Variants in ERBB4 observed in about 807,000 individuals in gnomAD.
The protein encoded by ERBB4 is receptor tyrosine-protein kinase erbB-4.
A neutral mutation model predicts 158.0 loss-of-function variants in ERBB4; 42 were observed. The observed-to-expected ratio is 0.27, with a 90% CI of 0.21 to 0.34. The LOEUF (loss-of-function observed/expected upper bound fraction) is 0.34, where lower values mean the gene tolerates loss of function less well. Among genes scored for constraint, ERBB4 ranks in the 10% least tolerant of loss-of-function variants. The pLI is 1.00. For synonymous variants in ERBB4, 583 were observed against 558.7 expected (o/e 1.04, Z -0.61); for missense variants, 1,333 against 1,624.1 (o/e 0.82, Z 3.08).
chr2:212,022,049 T>C (rs766651537), intron 2 of ERBB4, among the ~76,000 whole-genome samples: 1 of 152,140 alleles, frequency 6.6e-6, no homozygotes, highest in Non-Finnish European at 1.5e-5. Flanking sequence ...TTCAGAGAAA[T>C]AGGAATGCTT....
chr2:211,661,859 G>C (rs2071432973), intron 15 of ERBB4, among the ~76,000 whole-genome samples: 1 of 150,198 alleles, frequency 6.7e-6, no homozygotes, highest in African/African-American at 2.4e-5. Flanking sequence ...CTAAAACGGT[G>C]AAACCCCGTC....
chr2:211,844,108 G>A (rs922575866), intron 3 of ERBB4, among the ~76,000 whole-genome samples: 29 of 148,170 alleles, frequency 2.0e-4, no homozygotes, highest in African/African-American at 7.0e-4. Flanking sequence ...GCTATTTCAA[G>A]TTCTATGTTA....
chr2:212,372,852 C>T (rs2090136205), intron 1 of ERBB4, among the ~76,000 whole-genome samples: 1 of 152,176 alleles, frequency 6.6e-6, no homozygotes, highest in Non-Finnish European at 1.5e-5. Flanking sequence ...TTTCTTCTCC[C>T]ATGCCATTGT....
At chr2:212,028,934 T>TA (rs2076837506) in intron 2 of ERBB4, among the ~76,000 whole-genome samples, 1 of 151,990 alleles carries the variant, frequency 6.6e-6, no homozygotes, top group Non-Finnish European at 1.5e-5. Flanking sequence ...AGGTGGGGCT[T>TA]AGACACCACA....
At chr2:211,965,950 G>T (rs1282913150) in intron 2 of ERBB4, among the ~76,000 whole-genome samples, 1 of 152,170 alleles carries the variant, frequency 6.6e-6, no homozygotes, top group Non-Finnish European at 1.5e-5. Flanking sequence ...AGAGAATCAT[G>T]CCTGTAATCC....
At chr2:211,656,190 G>T (rs2071209722) in intron 16 of ERBB4, among the ~76,000 whole-genome samples, 2 of 152,148 alleles carry the variant, frequency 1.3e-5, no homozygotes, top group Non-Finnish European at 2.9e-5. Flanking sequence ...AGCTTCCAGG[G>T]CTCTGTTGCC....
At chr2:212,114,976 T>C (rs1462270924) in intron 2 of ERBB4, among the ~76,000 whole-genome samples, 1 of 152,202 alleles carries the variant, frequency 6.6e-6, no homozygotes, top group African/African-American at 2.4e-5. Context: ...GGCATCATGA[T>C]AGACACTTTT....
rs769707072 is a variant in ERBB4, at chr2:211,560,262, C to CTTTTTTTTTTTTTTTT, written c.2487+1625_2487+1640dup. On this transcript the variant is annotated intron_variant, in intron 20 of 27. Transcript: ENST00000342788. The stretch of plus-strand genomic sequence containing the variant: ...CAGCACTAACAAATTTGAAGCTTAG[C>CTTTTTTTTTTTTTTTT]TTTTTTTTTTTTTTTTTTTTTTTTT... Among the ~76,000 whole-genome samples the CTTTTTTTTTTTTTTTT allele has an allele frequency of 1.0e-3, 48 of 46,310 alleles. 12 individuals are homozygous for CTTTTTTTTTTTTTTTT. The highest frequency in any genetic ancestry group is 2.5e-3 in the African/African-American group (26 of 10,452). 30.4% of individuals were successfully genotyped at this position (46,310 alleles called of 152,430 possible).
intron 1 of ERBB4, among the ~76,000 whole-genome samples, chr2:212,129,386 A>G (rs1182946746): frequency 6.6e-6 from 1 of 151,402 alleles, no homozygotes; most frequent in Admixed American, 6.6e-5. Context: ...CATAATTCCC[A>G]TTCTACATAT....
At chr2:211,704,533 T>G (rs1240414063) in intron 10 of ERBB4, among the ~76,000 whole-genome samples, 2 of 152,214 alleles carry the variant, frequency 1.3e-5, no homozygotes, top group Non-Finnish European at 2.9e-5. Context: ...AGTGTCACCC[T>G]TGTATTCTAA....
intron 19 of ERBB4, among the ~76,000 whole-genome samples, chr2:211,611,407 A>AGCTTTACTTTTGCTTTC (rs67176990): frequency 0.83 from 120,392 of 145,604 alleles, 49,990 homozygotes; most frequent in Non-Finnish European, 0.88. Context: ...AAGGTGTGGA[A>AGCTTTACTTTTGCTTTC]GCTTTACTTT....
chr2:211,914,259 T>G (rs2079624576), intron 3 of ERBB4, among the ~76,000 whole-genome samples: 1 of 145,164 alleles, frequency 6.9e-6, no homozygotes, highest in South Asian at 2.2e-4. Context: ...ATTTTTCTTT[T>G]TTTTTTTTCA....
chr2:212,288,759 C>T (rs2086097165), intron 1 of ERBB4, among the ~76,000 whole-genome samples: 1 of 152,032 alleles, frequency 6.6e-6, no homozygotes. Context: ...ACCACTATAA[C>T]CCTTTATAGC....
At chr2:212,157,853 C>T (rs1380418596) in intron 1 of ERBB4, among the ~76,000 whole-genome samples, 1 of 152,010 alleles carries the variant, frequency 6.6e-6, no homozygotes, top group Non-Finnish European at 1.5e-5. Context: ...GACTAGTAGG[C>T]ACTTAGACTG....
chr2:212,512,644 A>G (rs1182001845), intron 1 of ERBB4, among the ~76,000 whole-genome samples: 1 of 152,170 alleles, frequency 6.6e-6, no homozygotes, highest in Non-Finnish European at 1.5e-5. Context: ...ATTTTACTTG[A>G]TATTTTCCTA....
Position 211,745,715 on chromosome 2 carries a change from G to GAAAAAAAAAAAAAAAAA in ERBB4, c.622+4923_622+4924insTTTTTTTTTTTTTTTTT, listed in dbSNP as rs776012647. On this transcript the variant is annotated intron_variant, in intron 5 of 27. Transcript: ENST00000342788. Reference sequence around the variant, plus strand: ...TTGTGCCCCCCACCCTCCACCGCCAGAAAAAAAACAAAAACAAAACAAAAA... The same window carrying GAAAAAAAAAAAAAAAAA: ...TTGTGCCCCCCACCCTCCACCGCCAGAAAAAAAAAAAAAAAAAAAAAAAAACAAAAACAAAACAAAAA... 7.4e-5 allele frequency among the ~76,000 whole-genome samples: 7 copies of GAAAAAAAAAAAAAAAAA among 94,462 alleles called. 2 individuals carry two copies. Among genetic ancestry groups the GAAAAAAAAAAAAAAAAA allele is most frequent in the South Asian group, 6.9e-4 (2 of 2,894 alleles). 62.0% of individuals were successfully genotyped at this position (94,462 alleles called of 152,430 possible).
intron 22 of ERBB4, among the ~76,000 whole-genome samples, chr2:211,427,292 C>T (rs1055313106): frequency 1.3e-5 from 2 of 152,034 alleles, no homozygotes; most frequent in East Asian, 1.9e-4. Context: ...TTGTACCATA[C>T]ATTTAAATCT....
chr2:211,573,486 CG>C (rs1299714379), intron 19 of ERBB4, among the ~76,000 whole-genome samples: 1 of 151,836 alleles, frequency 6.6e-6, no homozygotes, highest in Non-Finnish European at 1.5e-5. Flanking sequence ...CTGGCTAACA[CG>C]GTAAAACCCT....
chr2:212,444,572 T>A (rs2092313863), intron 1 of ERBB4, among the ~76,000 whole-genome samples: 1 of 152,106 alleles, frequency 6.6e-6, no homozygotes, highest in Non-Finnish European at 1.5e-5. Flanking sequence ...AGAGGAGGAT[T>A]TTAATAATCA....
Sources: allele counts gnomAD v4.1 joint callset (sites outside exome capture counted in the v4.1 genomes callset), GRCh38; gene constraint gnomAD v4.1.1; transcripts MANE v1.5; gene names NCBI Gene and HGNC (gene_info 2026-07-23, HGNC 2026-07-21).